The following GPD1L variants were observed in gnomAD, a reference collection of about 807,000 sequenced individuals.
The protein encoded by GPD1L is glycerol-3-phosphate dehydrogenase 1-like protein.
In GPD1L, 17 loss-of-function variants were observed where a neutral mutation model predicts 32.9. That is an observed-to-expected ratio of 0.52 (90% CI 0.35 to 0.78). GPD1L has a LOEUF of 0.78. Ranked by LOEUF, GPD1L falls within the 30% of genes least tolerant of loss-of-function variation. GPD1L has a pLI of 0.01. For synonymous variants in GPD1L, 187 were observed against 165.9 expected (o/e 1.13, Z -0.98); for missense variants, 361 against 447.8 (o/e 0.81, Z 1.75).
chr3:32,158,742 C>G (rs1701031783), intron 5 of GPD1L, 134 bp from the exon 6 acceptor site: 2 of 1,530,046 alleles, frequency 1.3e-6, no homozygotes, highest in Admixed American at 3.9e-5. Flanking sequence ...AAGAGCAGAG[C>G]CCGGCATTGA....
intron 7 of GPD1L, among the ~76,000 whole-genome samples, chr3:32,163,343 T>C (rs1431811538): frequency 1.3e-5 from 2 of 151,990 alleles, no homozygotes; most frequent in African/African-American, 4.8e-5. Context: ...TAAGTTTTTG[T>C]ATTTTTAGTA....
At chr3:32,118,683 A>G (rs533062238) in intron 1 of GPD1L, among the ~76,000 whole-genome samples, 9 of 152,268 alleles carry the variant, frequency 5.9e-5, no homozygotes, top group African/African-American at 2.2e-4. Flanking sequence ...CGTATTGAAA[A>G]CAATGAAAAT....
At chr3:32,165,318 A>C (rs900752566) in intron 7 of GPD1L, among the ~76,000 whole-genome samples, 11 of 152,116 alleles carry the variant, frequency 7.2e-5, no homozygotes, top group African/African-American at 2.7e-4. Context: ...AGCTTCTGAC[A>C]TAAGATGAGT....
At chr3:32,157,494 G>A (rs114472375) in intron 5 of GPD1L, among the ~76,000 whole-genome samples, 2 of 152,036 alleles carry the variant, frequency 1.3e-5, no homozygotes, top group Admixed American at 6.6e-5. Flanking sequence ...CCTGCCACCC[G>A]CTAGCCCCTG....
At chr3:32,119,983 A>G (rs1323375460) in intron 1 of GPD1L, among the ~76,000 whole-genome samples, 1 of 152,206 alleles carries the variant, frequency 6.6e-6, no homozygotes, top group Non-Finnish European at 1.5e-5. Flanking sequence ...ATAATCAAAA[A>G]GGTCAGAATC....
chr3:32,111,167 A>C (rs1700240548), intron 1 of GPD1L, among the ~76,000 whole-genome samples: 1 of 152,214 alleles, frequency 6.6e-6, no homozygotes, highest in African/African-American at 2.4e-5. Context: ...TGCCTGGCCC[A>C]AAGTTTCTTT....
chr3:32,157,733 T>C (rs750149675), intron 5 of GPD1L, among the ~76,000 whole-genome samples: 1 of 152,248 alleles, frequency 6.6e-6, no homozygotes, highest in Non-Finnish European at 1.5e-5. Flanking sequence ...ATATGGTCTC[T>C]GTTGCAATTA....
chr3:32,166,944 C>T lies in GPD1L; in HGVS notation c.*1034C>T, dbSNP rs1287095005. On this transcript the variant is annotated 3_prime_UTR_variant, in exon 8 of 8. Transcript: ENST00000282541. ...TGCAGGCCATCCTCTCAACAAGTGC[C>T]ACTCCAAGGGCGGTCCTCGGTGCAG... is the stretch of plus-strand genomic sequence containing the variant. The T allele has an allele frequency of 6.6e-6, 1 of 151,860 alleles. No homozygotes were observed. Among genetic ancestry groups the T allele is most frequent in the African/African-American group, 2.4e-5 (1 of 41,298 alleles). 9.4% of individuals were successfully genotyped at this position (151,860 alleles called of 1,614,324 possible). A position where few individuals can be genotyped will look rare whatever the true frequency, so the allele number is the denominator to read the frequency against.
In GPD1L at chr3:32,135,094, C is replaced by G. The variant is rs1435791205; in HGVS notation, c.226-3493C>G. Among the ~76,000 whole-genome samples, 3 of 152,156 alleles carry G rather than the reference C, an allele frequency of 2.0e-5. No individual in the cohort carries two copies. The East Asian group carries it at 5.8e-4, about 29-fold the overall frequency. On this transcript the variant is annotated intron_variant, in intron 2 of 7. Coordinates refer to ENST00000282541, the MANE Select transcript of GPD1L (RefSeq NM_015141.4). Reference sequence around the variant, plus strand: ...CCAGACCTTCAAACCTATATTTTTTCTCTTTGGTTCTGGTGTTTTTTCCAC... The same window carrying G: ...CCAGACCTTCAAACCTATATTTTTTGTCTTTGGTTCTGGTGTTTTTTCCAC...
chr3:32,156,698 A>G (rs1039712761), intron 5 of GPD1L, among the ~76,000 whole-genome samples: 3 of 152,144 alleles, frequency 2.0e-5, no homozygotes, highest in African/African-American at 4.8e-5. Flanking sequence ...TCTGTTTGTC[A>G]TGGTGAGCCC....
chr3:32,123,827 TAGATAGATAGATAGACAGAC>T (rs1264938975), intron 1 of GPD1L, among the ~76,000 whole-genome samples: 2,176 of 148,918 alleles, frequency 0.015, 15 homozygotes, highest in Non-Finnish European at 0.022. Context: ...GATAGATAGA[TAGATAGATAGATAGACAGAC>T]AGATAAGACC....
rs994902269 is a variant in GPD1L at position 32,138,693 on chromosome 3, T to A, written c.332T>A (p.Val111Glu). 6.2e-7 allele frequency: 1 copy of A among 1,613,800 alleles called. No homozygotes were observed. The highest frequency in any genetic ancestry group is 8.5e-7 in the Non-Finnish European group (1 of 1,179,964). Residue 111 changes from valine (V) to glutamate (E), a missense_variant, in exon 3 of 8, where the codon GTG (valine) becomes GAG (glutamate). Transcript: ENST00000282541. ...ATCTGTGATGAGATCACTGGGAGAG[T>A]GCCCAAGAAAGCGCTGGGAATCACC... ...HRICDEITGR[V>E]PKKALGITLI...
At chr3:32,128,038 T>G in intron 1 of GPD1L, 38 bp from the exon 2 acceptor site, 1 of 1,428,618 alleles carries the variant, frequency 7.0e-7, no homozygotes, top group Middle Eastern at 2.3e-4. Context: ...CCCGCCCAAG[T>G]GAGTTTATGT....
chr3:32,139,078 C>T (rs1300432454), intron 3 of GPD1L, among the ~76,000 whole-genome samples: 1 of 152,122 alleles, frequency 6.6e-6, no homozygotes, highest in East Asian at 1.9e-4. Flanking sequence ...TACCCTAAAG[C>T]ATGTGTTTTT....
chr3:32,132,837 G>A (rs773334638), intron 2 of GPD1L, among the ~76,000 whole-genome samples: 1 of 152,174 alleles, frequency 6.6e-6, no homozygotes, highest in African/African-American at 2.4e-5. Context: ...CCAGGCGATG[G>A]ATAGCTATTT....
At chr3:32,135,617 T>G (rs1423187382) in intron 2 of GPD1L, among the ~76,000 whole-genome samples, 1 of 152,122 alleles carries the variant, frequency 6.6e-6, no homozygotes, top group Admixed American at 6.5e-5. Context: ...CACACCTGGC[T>G]AATTTTTATA....
rs112114405 is a variant in GPD1L at position 32,125,020 on chromosome 3, G to A, written c.48-3056G>A. Among the ~76,000 whole-genome samples the A allele has an allele frequency of 6.3e-3, 845 of 133,248 alleles. 7 individuals carry two copies. Among genetic ancestry groups the A allele is most frequent in the African/African-American group, 0.023 (782 of 33,722 alleles). The allele number at this position is 133,248 out of a possible 152,430, so 87.4% of individuals were successfully genotyped here. ...CTCCTCCTCCATGCCCTGCCTCCCC[G>A]CCACCCTTGCCAAAAAAATTACTGT... On this transcript the variant is annotated intron_variant, in intron 1 of 7. Coordinates refer to ENST00000282541, the MANE Select transcript of GPD1L (RefSeq NM_015141.4).
chr3:32,121,697 T>TTC (rs199707733), intron 1 of GPD1L, among the ~76,000 whole-genome samples: 5 of 134,212 alleles, frequency 3.7e-5, no homozygotes, highest in East Asian at 3.4e-4. Flanking sequence ...ATATATATAT[T>TTC]TATATATATA....
At chr3:32,117,209 A>G (rs776781632) in intron 1 of GPD1L, among the ~76,000 whole-genome samples, 57 of 152,132 alleles carry the variant, frequency 3.7e-4, no homozygotes, top group Non-Finnish European at 2.1e-4. Context: ...CTTTTGTTTA[A>G]TCAGTTTCCT....
Sources: allele counts gnomAD v4.1 joint callset (sites outside exome capture counted in the v4.1 genomes callset), GRCh38; gene constraint gnomAD v4.1.1; transcripts MANE v1.5; gene names NCBI Gene and HGNC (gene_info 2026-07-23, HGNC 2026-07-21).